The following GALNT18 variants were observed in gnomAD, a reference collection of about 807,000 sequenced individuals.
GALNT18 encodes GalNAc-transferase 18.
In GALNT18, 44 loss-of-function variants were observed where a neutral mutation model predicts 69.5. That is an observed-to-expected ratio of 0.63 (90% CI 0.50 to 0.81). The LOEUF is 0.81. Among genes scored for constraint, GALNT18 ranks in the 40% least tolerant of loss-of-function variants. The pLI is 0.00. For missense variants in GALNT18, 715 were observed against 810.0 expected, an observed-to-expected ratio of 0.88 and a Z score of 1.42; for synonymous variants, 364 against 318.2, an observed-to-expected ratio of 1.14 and a Z score of -1.53.
At position 11,413,533 on chromosome 11, in the gene GALNT18, G is replaced by C. The variant is rs563078251; in HGVS notation, c.595+19088C>G. Among the ~76,000 whole-genome samples the C allele has an allele frequency of 1.3e-4, 20 of 152,232 alleles. 1 individual carries two copies. The South Asian group carries it at 4.1e-3, about 32-fold the overall frequency. On this transcript the variant is annotated intron_variant, in intron 3 of 10. Coordinates refer to ENST00000227756, the MANE Select transcript of GALNT18 (RefSeq NM_198516.3). The surrounding 1 kb of genome is among the most constrained non-coding windows in gnomAD (Gnocchi z 4.7). Reference sequence around the variant, plus strand: ...TGCAATTTCAGGTTTATATAATTTGGTGCTTAATGCACCGTACCACTAGCC... The same window carrying C: ...TGCAATTTCAGGTTTATATAATTTGCTGCTTAATGCACCGTACCACTAGCC...
Position 11,621,430 on chromosome 11 carries a change from T to A in GALNT18, c.164A>T (p.Asp55Val). The change falls in exon 1 of 11, where the codon GAC becomes GTC. Residue 55 changes from aspartate (D) to valine (V), a missense_variant. By Grantham distance (152) the Asp-to-Val change is radical (BLOSUM62 -3). Coordinates refer to ENST00000227756, the MANE Select transcript of GALNT18 (RefSeq NM_198516.3). This position sits in a 1 kb window ranked among gnomAD's most constrained non-coding sequence, Gnocchi z 9.3. Reference sequence around the variant, plus strand: ...AATAATCTTCAGAGTGTCCCCTTTGTCTTCCTCCAGCTTCTTGTCGGGCGC... The same window carrying A: ...AATAATCTTCAGAGTGTCCCCTTTGACTTCCTCCAGCTTCTTGTCGGGCGC... Reference protein sequence around the residue: ...EPAPDKKLEEDKGDTLKIIER... With the variant: ...EPAPDKKLEEVKGDTLKIIER... 1 of 1,614,120 alleles carries A rather than the reference T, an allele frequency of 6.2e-7. No individual in the cohort carries two copies. The highest frequency in any genetic ancestry group is 1.1e-5 in the South Asian group (1 of 91,072).
intron 10 of GALNT18, among the ~76,000 whole-genome samples, chr11:11,291,018 C>CCTAA (rs1265148835): frequency 6.6e-6 from 1 of 152,208 alleles, no homozygotes; most frequent in Non-Finnish European, 1.5e-5. Flanking sequence ...TGGGCATATA[C>CCTAA]CTAACTGTCC....
In GALNT18 at chr11:11,432,356, A is replaced by G. The variant is rs961749980; in HGVS notation, c.595+265T>C. On this transcript the variant is annotated intron_variant, in intron 3 of 10. Transcript: ENST00000227756. The surrounding 1 kb of genome is among the most constrained non-coding windows in gnomAD (Gnocchi z 5.8). ...GTAGGGTAGGAGGTCAGGGCCTTCT[A>G]TCTTATCTATTGCACTGGAATATGG... Among the ~76,000 whole-genome samples, 1 of 152,190 alleles carries G rather than the reference A, an allele frequency of 6.6e-6. No homozygotes were observed. Among genetic ancestry groups the G allele is most frequent in the South Asian group, 2.1e-4 (1 of 4,828 alleles).
In GALNT18 at chr11:11,379,073, G is replaced by A; in HGVS notation, c.779+8C>T. 6.3e-7 allele frequency: 1 copy of A among 1,584,056 alleles called. No individual in the cohort carries two copies. Among genetic ancestry groups the A allele is most frequent in the Non-Finnish European group, 8.5e-7 (1 of 1,169,618 alleles). On this transcript the variant is annotated splice_region_variant and intron_variant, in intron 4 of 10. Coordinates refer to ENST00000227756, the MANE Select transcript of GALNT18 (RefSeq NM_198516.3). Reference sequence around the variant, plus strand: ...GGGACTCCTCCTCCTCTCCCAAGGGGCACTTACCAGCCCACATTGAACTCC... The same window carrying A: ...GGGACTCCTCCTCCTCTCCCAAGGGACACTTACCAGCCCACATTGAACTCC...
chr11:11,496,057 G>A lies in GALNT18; in HGVS notation c.236-47121C>T, dbSNP rs1027423706. ...CATGACTAAAGCAACTGAGGCTCAG[G>A]AAGAACAAGTAACTTGTCTAAGGAC... On this transcript the variant is annotated intron_variant, in intron 1 of 10. Transcript: ENST00000227756. This position sits in a 1 kb window ranked among gnomAD's most constrained non-coding sequence, Gnocchi z 4.0. 6.6e-6 allele frequency among the ~76,000 whole-genome samples: 1 copy of A among 152,208 alleles called. No homozygotes were observed. Among genetic ancestry groups the A allele is most frequent in the Non-Finnish European group, 1.5e-5 (1 of 68,030 alleles).
rs1392637408 is a variant in GALNT18 at position 11,436,849 on chromosome 11, G to A, written c.429-4062C>T. Among the ~76,000 whole-genome samples the A allele has an allele frequency of 6.6e-6, 1 of 152,192 alleles. No individual in the cohort carries two copies. The highest frequency in any genetic ancestry group is 1.9e-4 in the East Asian group (1 of 5,194). The stretch of plus-strand genomic sequence containing the variant: ...TGAAAAGAACACGCCTCCAAGAGCT[G>A]CGTGGGAGAGGACTGCTCTGGACCC... On this transcript the variant is annotated intron_variant, in intron 2 of 10. Coordinates refer to ENST00000227756, the MANE Select transcript of GALNT18 (RefSeq NM_198516.3). This position sits in a 1 kb window ranked among gnomAD's most constrained non-coding sequence, Gnocchi z 4.5.
chr11:11,373,454 C>T (rs1363010375), intron 5 of GALNT18, among the ~76,000 whole-genome samples: 1 of 152,186 alleles, frequency 6.6e-6, no homozygotes, highest in Non-Finnish European at 1.5e-5. Flanking sequence ...GGTTGGAGAC[C>T]ACTCATCAAT....
At chr11:11,333,319 G>T (rs1850051817) in intron 7 of GALNT18, among the ~76,000 whole-genome samples, 1 of 152,100 alleles carries the variant, frequency 6.6e-6, no homozygotes, top group Admixed American at 6.6e-5. Context: ...CAAAGTGCTA[G>T]GCTGTATTCT....
intron 2 of GALNT18, among the ~76,000 whole-genome samples, chr11:11,441,279 A>G (rs1380420684): frequency 6.6e-6 from 1 of 152,250 alleles, no homozygotes; most frequent in Admixed American, 6.5e-5. Context: ...TTAAAGAGTA[A>G]TTCCCCTTTG....
intron 6 of GALNT18, among the ~76,000 whole-genome samples, chr11:11,364,603 A>G (rs1467865784): frequency 6.6e-6 from 1 of 152,230 alleles, no homozygotes; most frequent in African/African-American, 2.4e-5. Flanking sequence ...TGGAGACTGG[A>G]AAGACAAATT....
At position 11,332,185 on chromosome 11, in the gene GALNT18, G is replaced by A. The variant is rs1390131019; in HGVS notation, c.1416+509C>T. On this transcript the variant is annotated intron_variant, in intron 8 of 10. Transcript: ENST00000227756. The surrounding 1 kb of genome is among the most constrained non-coding windows in gnomAD (Gnocchi z 4.3). ...CCTCCATCTTTCTCCCTCCCATCAG[G>A]GAGAACTTCTCTGTGCCCATCAACA... Among the ~76,000 whole-genome samples the A allele has an allele frequency of 3.3e-5, 5 of 151,902 alleles. No homozygotes were observed. Among genetic ancestry groups the A allele is most frequent in the African/African-American group, 1.2e-4 (5 of 41,350 alleles).
At chr11:11,274,416 A>C (rs1848894437) in intron 10 of GALNT18, among the ~76,000 whole-genome samples, 1 of 152,188 alleles carries the variant, frequency 6.6e-6, no homozygotes, top group Non-Finnish European at 1.5e-5. Context: ...CCACTCCCAC[A>C]GAGCCCAGCA....
At chr11:11,467,390 A>G (rs891524680) in intron 1 of GALNT18, among the ~76,000 whole-genome samples, 6 of 152,190 alleles carry the variant, frequency 3.9e-5, no homozygotes, top group Non-Finnish European at 7.3e-5. Context: ...TCTTACCCAG[A>G]GCCAGATGAG....
chr11:11,425,882 A>G (rs142298444), intron 3 of GALNT18, among the ~76,000 whole-genome samples: 1 of 152,382 alleles, frequency 6.6e-6, no homozygotes, highest in Non-Finnish European at 1.5e-5. Context: ...AGATGCCTCT[A>G]TTGACTGAAA....
Position 11,377,407 on chromosome 11 carries a change from G to C in GALNT18, c.780-28C>G, listed in dbSNP as rs1362650292. ...GGGCAGAGAGGAGACAGCCAGAGAG[G>C]GTAACCATTTCCAAGGTGGAAAAAT... On this transcript the variant is annotated intron_variant, in intron 4 of 10. Coordinates refer to ENST00000227756, the MANE Select transcript of GALNT18 (RefSeq NM_198516.3). The surrounding 1 kb of genome is among the most constrained non-coding windows in gnomAD (Gnocchi z 4.6). The C allele has an allele frequency of 1.2e-6, 2 of 1,607,258 alleles. No individual in the cohort carries two copies. Among genetic ancestry groups the C allele is most frequent in the Non-Finnish European group, 1.7e-6 (2 of 1,174,982 alleles).
chr11:11,554,726 A>G (rs968530491), intron 1 of GALNT18, among the ~76,000 whole-genome samples: 8 of 152,258 alleles, frequency 5.3e-5, no homozygotes, highest in Admixed American at 2.6e-4. Context: ...CTCACCGGCT[A>G]TGTTGGAAGA....
intron 2 of GALNT18, among the ~76,000 whole-genome samples, chr11:11,447,890 T>C (rs527432303): frequency 6.6e-6 from 1 of 152,346 alleles, no homozygotes; most frequent in East Asian, 1.9e-4. Context: ...GTCTAGACTA[T>C]GCTGGCACAG....
At chr11:11,449,312 AC>A (rs1005472667) in intron 1 of GALNT18, among the ~76,000 whole-genome samples, 3 of 151,740 alleles carry the variant, frequency 2.0e-5, no homozygotes, top group African/African-American at 7.3e-5. Flanking sequence ...CCTAGCCTGT[AC>A]CCCCATTTCC....
intron 3 of GALNT18, among the ~76,000 whole-genome samples, chr11:11,410,564 T>A (rs1430948936): frequency 1.3e-5 from 2 of 152,240 alleles, no homozygotes; most frequent in East Asian, 3.8e-4. Context: ...GGGCACTGTA[T>A]AATTAATTTC....
Sources: allele counts gnomAD v4.1 joint callset (sites outside exome capture counted in the v4.1 genomes callset), GRCh38; gene constraint gnomAD v4.1.1; non-coding constraint Gnocchi (gnomAD v3.1); transcripts MANE v1.5; gene names NCBI Gene and HGNC (gene_info 2026-07-23, HGNC 2026-07-21).